Variants in QSER1 observed in about 807,000 individuals in gnomAD.
QSER1 encodes the protein glutamine and serine-rich protein 1.
In QSER1, 49 loss-of-function variants were observed where a neutral mutation model predicts 158.5. That is an observed-to-expected ratio of 0.31 (90% confidence interval 0.25 to 0.39). The LOEUF (loss-of-function observed/expected upper bound fraction) is 0.39. Among genes scored for constraint, QSER1 ranks in the 10% least tolerant of loss-of-function variants. The pLI is 1.00. For synonymous variants in QSER1, 650 were observed against 715.5 expected, an observed-to-expected ratio of 0.91 and a Z score of 1.46; for missense variants, 1,754 against 2,010.3, an observed-to-expected ratio of 0.87 and a Z score of 2.44.
intron 1 of QSER1, among the ~76,000 whole-genome samples, chr11:32,918,212 T>A (rs1461630461): frequency 6.6e-6 from 1 of 152,186 alleles, no homozygotes; most frequent in African/African-American, 2.4e-5. Context: ...CATACTATTC[T>A]GGGTGCTTGG....
rs758778820 is a variant in QSER1 at position 32,977,583 on chromosome 11, C to G, written c.*1109C>G. ...AGTGTTAAACACAGCTTCCTTAACT[C>G]TTAGAACTGGAAGTTGTAGAGCTCT... On this transcript the variant is annotated 3_prime_UTR_variant, in exon 13 of 13. Coordinates refer to ENST00000650167, the MANE Select transcript of QSER1 (RefSeq NM_001076786.3). 1.3e-5 allele frequency: 2 copies of G among 152,614 alleles called. No homozygotes were observed. The highest frequency in any genetic ancestry group is 2.4e-5 in the African/African-American group (1 of 41,460). The allele number at this position is 152,614 out of a possible 1,614,324, so 9.5% of individuals were successfully genotyped here.
At chr11:32,952,936 G>T (rs1024005854) in intron 4 of QSER1, among the ~76,000 whole-genome samples, 1 of 151,704 alleles carries the variant, frequency 6.6e-6, no homozygotes, top group Non-Finnish European at 1.5e-5. Flanking sequence ...CTGAGTAGCG[G>T]GGATTAAAGG....
chr11:32,905,665 A>G (rs1851682851), intron 1 of QSER1, among the ~76,000 whole-genome samples: 1 of 152,180 alleles, frequency 6.6e-6, no homozygotes, highest in Non-Finnish European at 1.5e-5. Context: ...ATCCTCTAAC[A>G]TGGTAATGAT....
intron 4 of QSER1, among the ~76,000 whole-genome samples, chr11:32,937,916 A>G (rs1404035732): frequency 6.6e-6 from 1 of 152,136 alleles, no homozygotes; most frequent in Non-Finnish European, 1.5e-5. Flanking sequence ...TTTAAAGACT[A>G]TTTTCAAAGT....
intron 4 of QSER1, among the ~76,000 whole-genome samples, chr11:32,946,331 A>G (rs1313613206): frequency 1.3e-5 from 2 of 152,080 alleles, no homozygotes; most frequent in Non-Finnish European, 2.9e-5. Context: ...TAGAGTTTCC[A>G]GTTTTTCTGT....
rs1853011633 is a variant in QSER1, at chr11:32,978,324, G to C, written c.*1850G>C. On this transcript the variant is annotated 3_prime_UTR_variant, in exon 13 of 13. Coordinates refer to ENST00000650167, the MANE Select transcript of QSER1 (RefSeq NM_001076786.3). ...ATAAAATGAATTTTCCAAGTGGAGA[G>C]GAGTAGGAAGCAGCCATATGATAGT... The C allele has an allele frequency of 6.6e-6, 1 of 152,200 alleles. No individual in the cohort carries two copies. Among genetic ancestry groups the C allele is most frequent in the Non-Finnish European group, 1.5e-5 (1 of 68,036 alleles). 9.4% of individuals were successfully genotyped at this position (152,200 alleles called of 1,614,324 possible). A position where few individuals can be genotyped will look rare whatever the true frequency, so the allele number is the denominator to read the frequency against.
rs1480113882 is a variant in QSER1 at position 32,942,916 on chromosome 11, C to T, written c.4177+7481C>T. 1.4e-4 allele frequency among the ~76,000 whole-genome samples: 21 copies of T among 152,108 alleles called. No homozygotes were observed. In the South Asian group the frequency reaches 1.9e-3, roughly 14 times the overall value. On this transcript the variant is annotated intron_variant, in intron 4 of 12. Transcript: ENST00000650167. The stretch of plus-strand genomic sequence containing the variant: ...TATCCTCTTTTATTTCATTGAGCAG[C>T]GGTTTGTAGTTCTCCTTGAAGAGGT...
At chr11:32,927,660 GC>G (rs1352765316) in intron 2 of QSER1, among the ~76,000 whole-genome samples, 1 of 152,172 alleles carries the variant, frequency 6.6e-6, no homozygotes, top group Non-Finnish European at 1.5e-5. Flanking sequence ...TTCCACCTCG[GC>G]CTCCAGAAGT....
Position 32,973,461 on chromosome 11 carries a change from G to A in QSER1, c.5270G>A (p.Gly1757Glu), listed in dbSNP as rs1379368737. ...ITRDSKAKSG[G>E]TAISKIKMNG... Reference sequence around the variant, plus strand: ...CGAGATTCTAAAGCAAAGAGTGGAGGAACTGCTATTTCTAAAATCAAAATG... The same window carrying A: ...CGAGATTCTAAAGCAAAGAGTGGAGAAACTGCTATTTCTAAAATCAAAATG... Residue 1757 changes from glycine to glutamate, a missense_variant, in exon 11 of 13, where the codon GGA becomes GAA. By Grantham distance (98) the Gly-to-Glu change is moderately conservative (BLOSUM62 -2). Transcript: ENST00000650167. The A allele has an allele frequency of 1.9e-6, 3 of 1,613,384 alleles. No homozygotes were observed. Among genetic ancestry groups the A allele is most frequent in the Non-Finnish European group, 1.7e-6 (2 of 1,179,600 alleles).
At chr11:32,943,216 A>G (rs1852270196) in intron 4 of QSER1, among the ~76,000 whole-genome samples, 1 of 151,932 alleles carries the variant, frequency 6.6e-6, no homozygotes, top group Admixed American at 6.6e-5. Flanking sequence ...CTAATTCAAT[A>G]CCCTTTATTT....
In QSER1 at chr11:32,934,295, G is replaced by C; in HGVS notation, c.3037G>C (p.Gly1013Arg). 6.2e-7 allele frequency: 1 copy of C among 1,613,962 alleles called. No homozygotes were observed. The highest frequency in any genetic ancestry group is 8.5e-7 in the Non-Finnish European group (1 of 1,179,982). ...TGAAACCATGCAGGCTGTTGAAGAT[G>C]GTGATTCTAAATCTCATTTTCAGCA... ...SNETMQAVED[G>R]DSKSHFQQSL... is the part of the protein sequence containing the mutation. The change falls in exon 4 of 13, where the codon GGT (glycine) becomes CGT (arginine). Residue 1013 changes from glycine (G) to arginine (R), a missense_variant. Coordinates refer to ENST00000650167, the MANE Select transcript of QSER1 (RefSeq NM_001076786.3).
rs556833190 is a variant in QSER1 at position 32,955,542 on chromosome 11, T to C, written c.4617+130T>C. On this transcript the variant is annotated intron_variant, in intron 6 of 12. Transcript: ENST00000650167. ...GTAGCATATAATTTGAACTAGAATA[T>C]TGATGCTCTTTGATAGTCTAATATA... 3.2e-4 allele frequency: 173 copies of C among 539,416 alleles called. 1 individual carries two copies. The highest frequency in any genetic ancestry group is 6.5e-4 in the South Asian group (22 of 33,620). 33.4% of individuals were successfully genotyped at this position (539,416 alleles called of 1,614,324 possible).
chr11:32,957,809 ATT>A, intron 7 of QSER1, 58 bp from the exon 8 acceptor site: 1 of 1,327,038 alleles, frequency 7.5e-7, no homozygotes, highest in Non-Finnish European at 1.0e-6. Context: ...TTATTTTTCT[ATT>A]TTATTTTAGT....
intron 4 of QSER1, among the ~76,000 whole-genome samples, chr11:32,939,871 C>G (rs1344988065): frequency 6.6e-6 from 1 of 151,736 alleles, no homozygotes; most frequent in Non-Finnish European, 1.5e-5. Context: ...TCTCCAGCTC[C>G]CTTTTCCCTG....
rs1381677640 is a variant in QSER1 at position 32,925,223 on chromosome 11, G to A, written c.210-1934G>A. ...CAATGTCTTTTTGGTAGAATGACTT[G>A]TTTCCTTTTGGATGTATACCCAGTA... On this transcript the variant is annotated intron_variant, in intron 1 of 12. Transcript: ENST00000650167. 3.3e-5 allele frequency among the ~76,000 whole-genome samples: 5 copies of A among 152,146 alleles called. No individual in the cohort carries two copies. In the East Asian group the frequency reaches 9.6e-4, roughly 29 times the overall value.
chr11:32,939,129 A>G (rs138914979), intron 4 of QSER1, among the ~76,000 whole-genome samples: 80 of 152,354 alleles, frequency 5.3e-4, no homozygotes, highest in African/African-American at 1.8e-3. Context: ...CAGTGGAAGT[A>G]GAATGTTAGA....
chr11:32,975,504 C>T lies in QSER1; in HGVS notation c.5454+161C>T, dbSNP rs745603474. Reference sequence around the variant, plus strand: ...AATGACTTGATTTATTGTTCTGAGTCTCTCTGCTATGTTTTGTGCTCAGAT... The same window carrying T: ...AATGACTTGATTTATTGTTCTGAGTTTCTCTGCTATGTTTTGTGCTCAGAT... On this transcript the variant is annotated intron_variant, in intron 12 of 12. Coordinates refer to ENST00000650167, the MANE Select transcript of QSER1 (RefSeq NM_001076786.3). The T allele has an allele frequency of 6.7e-6, 10 of 1,482,388 alleles. No individual in the cohort carries two copies. The East Asian group carries it at 2.4e-4, about 36-fold the overall frequency. 91.8% of individuals were successfully genotyped at this position (1,482,388 alleles called of 1,614,324 possible).
chr11:32,972,563 G>A, intron 10 of QSER1, among the ~76,000 whole-genome samples: 1 of 152,052 alleles, frequency 6.6e-6, no homozygotes, highest in Non-Finnish European at 1.5e-5. Flanking sequence ...AGCCTCCTGA[G>A]TAGTTGGGAT....
At chr11:32,929,857 T>C (rs1320415743) in intron 3 of QSER1, among the ~76,000 whole-genome samples, 1 of 152,204 alleles carries the variant, frequency 6.6e-6, no homozygotes, top group Non-Finnish European at 1.5e-5. Flanking sequence ...GAGAAAGATC[T>C]TTTATCACTC....
Sources: allele counts gnomAD v4.1 joint callset (sites outside exome capture counted in the v4.1 genomes callset), GRCh38; gene constraint gnomAD v4.1.1; transcripts MANE v1.5; gene names NCBI Gene and HGNC (gene_info 2026-07-23, HGNC 2026-07-21).